The following DCAF6 variants were observed in gnomAD, a reference collection of about 807,000 sequenced individuals.
The protein encoded by DCAF6 is DDB1- and CUL4-associated factor 6.
In DCAF6, 54 loss-of-function variants were observed where a neutral mutation model predicts 125.1. The ratio of observed to expected loss-of-function variants is 0.43; its 90% CI spans 0.35 to 0.54. The LOEUF (loss-of-function observed/expected upper bound fraction) is 0.54. DCAF6 is among the 20% of genes least tolerant of loss of function. DCAF6 has a pLI of 0.01. For synonymous variants in DCAF6, 371 were observed against 390.4 expected, an observed-to-expected ratio of 0.95 and a Z score of 0.58; for missense variants, 934 against 1,161.7, an observed-to-expected ratio of 0.80 and a Z score of 2.85.
At chr1:167,864,287 A>C in the DCAF6 span, among the ~76,000 whole-genome samples, 72 of 152,306 alleles carry the variant, frequency 4.7e-4, no homozygotes, top group Non-Finnish European at 9.1e-4. Flanking sequence ...CCTACTAGAA[A>C]CTATGTTGAA....
the DCAF6 span, among the ~76,000 whole-genome samples, chr1:167,884,728 C>T: frequency 1.8e-4 from 26 of 142,208 alleles, no homozygotes; most frequent in East Asian, 4.4e-3. Flanking sequence ...GACGGAGTCT[C>T]GCTCTGTTGC....
intron 12 of DCAF6, among the ~76,000 whole-genome samples, chr1:168,033,477 G>C (rs924852922): frequency 6.6e-6 from 1 of 151,764 alleles, no homozygotes; most frequent in Admixed American, 6.6e-5. Context: ...CACCGCGCCC[G>C]GCTAATTTTT....
intron 2 of DCAF6, 90 bp downstream of exon 2, chr1:167,951,951 T>G: frequency 1.3e-6 from 1 of 769,138 alleles, no homozygotes; most frequent in Admixed American, 2.5e-5. Flanking sequence ...CAGAAAGGAT[T>G]GTGACTATAA....
the DCAF6 span, among the ~76,000 whole-genome samples, chr1:167,928,948 T>C: frequency 6.6e-6 from 1 of 152,244 alleles, no homozygotes; most frequent in Non-Finnish European, 1.5e-5. Flanking sequence ...ATACTATATA[T>C]TCTTTTAGAA....
At chr1:167,962,305 C>A (rs1394695578) in intron 2 of DCAF6, among the ~76,000 whole-genome samples, 1 of 151,972 alleles carries the variant, frequency 6.6e-6, no homozygotes, top group Non-Finnish European at 1.5e-5. Context: ...CTCCAGGTAT[C>A]ATACTAGATT....
intron 11 of DCAF6, among the ~76,000 whole-genome samples, chr1:168,018,891 T>C (rs1342187424): frequency 6.6e-6 from 1 of 152,168 alleles, no homozygotes; most frequent in Non-Finnish European, 1.5e-5. Context: ...GGCAGGTCAT[T>C]TGACTGCTTT....
At chr1:167,920,690 CTTT>C in the DCAF6 span, 1 of 1,503,092 alleles carries the variant, frequency 6.7e-7, no homozygotes, top group Non-Finnish European at 9.0e-7. Flanking sequence ...ATAGTTTTAA[CTTT>C]AAATCAAGCA....
chr1:167,965,395 A>G (rs1676243535), intron 2 of DCAF6, among the ~76,000 whole-genome samples: 1 of 152,192 alleles, frequency 6.6e-6, no homozygotes, highest in Admixed American at 6.5e-5. Context: ...AGGCTCTAAT[A>G]AAACCTCAGT....
At chr1:167,900,335 AAC>A in the DCAF6 span, among the ~76,000 whole-genome samples, 1 of 152,102 alleles carries the variant, frequency 6.6e-6, no homozygotes. Context: ...TTCTATCTGA[AAC>A]ACACTGATGT....
intron 1 of DCAF6, among the ~76,000 whole-genome samples, chr1:167,939,761 T>A (rs1382895404): frequency 7.6e-6 from 1 of 132,188 alleles, no homozygotes; most frequent in East Asian, 1.9e-4. Context: ...AAACTCTGCG[T>A]CATAAATAAA....
intron 12 of DCAF6, among the ~76,000 whole-genome samples, chr1:168,034,565 T>C (rs563235857): frequency 3.3e-4 from 50 of 152,330 alleles, no homozygotes; most frequent in African/African-American, 1.2e-3. Flanking sequence ...ATTAAGCTTA[T>C]TGTTTTCAGT....
intron 1 of DCAF6, among the ~76,000 whole-genome samples, chr1:167,949,940 C>G (rs893968645): frequency 6.6e-6 from 1 of 152,150 alleles, no homozygotes; most frequent in African/African-American, 2.4e-5. Context: ...TATGAGATGT[C>G]TGGACGATGC....
chr1:167,961,714 A>T (rs1274970080), intron 2 of DCAF6, among the ~76,000 whole-genome samples: 4 of 152,132 alleles, frequency 2.6e-5, no homozygotes, highest in Non-Finnish European at 5.9e-5. Context: ...GTGAGAGAGG[A>T]CATCCTTGTC....
the DCAF6 span, among the ~76,000 whole-genome samples, chr1:167,921,425 T>G: frequency 6.6e-6 from 1 of 152,148 alleles, no homozygotes; most frequent in South Asian, 2.1e-4. Context: ...TTTCACCATG[T>G]TGGCCAGGCT....
rs138204713 is a variant in DCAF6, at chr1:168,049,431, G to T, written c.2259-1461G>T. Among the ~76,000 whole-genome samples, 593 of 101,226 alleles carry T rather than the reference G, an allele frequency of 5.9e-3. 2 individuals are homozygous for T. Among genetic ancestry groups the T allele is most frequent in the East Asian group, 0.014 (47 of 3,426 alleles). The allele number at this position is 101,226 out of a possible 152,430, so 66.4% of individuals were successfully genotyped here. On this transcript the variant is annotated intron_variant, in intron 16 of 21. Coordinates refer to ENST00000367840, the MANE Select transcript of DCAF6 (RefSeq NM_001198956.2). The stretch of plus-strand genomic sequence containing the variant: ...CTAATTTGTTGTTGTTGTTGTTGTT[G>T]TTTTTTTTTTTTTTTTTTTTTAGAA...
At chr1:168,029,043 T>G (rs1208382901) in intron 12 of DCAF6, among the ~76,000 whole-genome samples, 1 of 152,164 alleles carries the variant, frequency 6.6e-6, no homozygotes, top group Admixed American at 6.5e-5. Flanking sequence ...TTTCTTCCTA[T>G]CCCCAACTAC....
the DCAF6 span, among the ~76,000 whole-genome samples, chr1:167,928,689 T>C: frequency 4.9e-3 from 753 of 152,342 alleles, 5 homozygotes; most frequent in African/African-American, 0.017. Flanking sequence ...TTATGTTCTG[T>C]ACAATGACAC....
At chr1:168,054,023 A>G (rs1690283617) in intron 17 of DCAF6, among the ~76,000 whole-genome samples, 1 of 152,194 alleles carries the variant, frequency 6.6e-6, no homozygotes, top group Admixed American at 6.5e-5. Context: ...CAGAAACAGC[A>G]AGATACTCTC....
chr1:167,914,999 T>G, the DCAF6 span, among the ~76,000 whole-genome samples: 1 of 152,216 alleles, frequency 6.6e-6, no homozygotes, highest in African/African-American at 2.4e-5. Flanking sequence ...CCTCATTTAA[T>G]TAAACAATCC....
Sources: allele counts gnomAD v4.1 joint callset (sites outside exome capture counted in the v4.1 genomes callset), GRCh38; gene constraint gnomAD v4.1.1; transcripts MANE v1.5; gene names NCBI Gene and HGNC (gene_info 2026-07-23, HGNC 2026-07-21).